GRIK4: variants seen among roughly 807,000 people sequenced by gnomAD.
GRIK4 encodes the protein glutamate ionotropic receptor kainate type subunit 4, also known as glutamate receptor ionotropic, kainate 4.
Under a neutral mutation model 104.9 loss-of-function variants are expected in GRIK4, and 40 were observed. The ratio of observed to expected loss-of-function variants is 0.38; its 90% CI spans 0.30 to 0.50. The LOEUF (loss-of-function observed/expected upper bound fraction) is 0.50. Ranked by LOEUF, GRIK4 falls within the 20% of genes least tolerant of loss-of-function variation. The pLI is 0.93. For missense variants in GRIK4, 1,047 were observed against 1,308.1 expected (o/e 0.80, Z 3.08); for synonymous variants, 485 against 524.9 (o/e 0.92, Z 1.04).
intron 1 of GRIK4, among the ~76,000 whole-genome samples, chr11:120,516,666 G>A (rs1178987252): frequency 6.6e-6 from 1 of 152,156 alleles, no homozygotes. Context: ...TGAGGCGAAA[G>A]GGGGGTAAGC....
At chr11:120,850,898 C>T (rs1953959272) in intron 8 of GRIK4, among the ~76,000 whole-genome samples, 2 of 151,352 alleles carry the variant, frequency 1.3e-5, no homozygotes, top group Admixed American at 6.6e-5. Flanking sequence ...TATTATTAAG[C>T]AATCCAGCTT....
At chr11:120,554,496 A>G (rs1418127487) in intron 1 of GRIK4, among the ~76,000 whole-genome samples, 1 of 152,106 alleles carries the variant, frequency 6.6e-6, no homozygotes, top group Admixed American at 6.5e-5. Context: ...TATGAAGTCA[A>G]GGGGAGAGGT....
intron 13 of GRIK4, among the ~76,000 whole-genome samples, chr11:120,923,404 A>ATTTTTT (rs775194642): frequency 4.9e-5 from 4 of 81,648 alleles, no homozygotes; most frequent in Non-Finnish European, 8.9e-5. Flanking sequence ...CCATTTGCTC[A>ATTTTTT]TTTTTTTTTT....
At chr11:120,890,469 A>G (rs984331668) in intron 11 of GRIK4, among the ~76,000 whole-genome samples, 2 of 152,224 alleles carry the variant, frequency 1.3e-5, no homozygotes, top group Admixed American at 6.5e-5. Context: ...CATGATGATC[A>G]GAGAGGAATT....
chr11:120,693,489 T>C (rs1203335022), intron 3 of GRIK4, among the ~76,000 whole-genome samples: 1 of 152,014 alleles, frequency 6.6e-6, no homozygotes, highest in Non-Finnish European at 1.5e-5. Flanking sequence ...ACTGTTGGAG[T>C]AGTCTGTCCA....
intron 3 of GRIK4, among the ~76,000 whole-genome samples, chr11:120,736,683 AGAATG>A (rs1951226974): frequency 1.3e-5 from 2 of 152,212 alleles, no homozygotes; most frequent in South Asian, 4.1e-4. Flanking sequence ...TCAGTTCAAA[AGAATG>A]GAAATACATA....
intron 1 of GRIK4, among the ~76,000 whole-genome samples, chr11:120,518,089 T>C (rs1414744225): frequency 2.0e-5 from 3 of 152,196 alleles, no homozygotes; most frequent in African/African-American, 7.2e-5. Context: ...GAGGTTGTGT[T>C]CTGGGAGTGA....
chr11:120,617,648 T>TG (rs1949133367), intron 1 of GRIK4, among the ~76,000 whole-genome samples: 1 of 152,188 alleles, frequency 6.6e-6, no homozygotes, highest in African/African-American at 2.4e-5. Context: ...GTGCTGTTCT[T>TG]GTGATAGTCA....
At chr11:120,586,394 G>C (rs1181738976) in intron 1 of GRIK4, among the ~76,000 whole-genome samples, 1 of 152,116 alleles carries the variant, frequency 6.6e-6, no homozygotes, top group Non-Finnish European at 1.5e-5. Flanking sequence ...GATGAGGCTG[G>C]GAGAGAAAGC....
At chr11:120,811,086 C>T (rs889752343) in intron 4 of GRIK4, among the ~76,000 whole-genome samples, 2 of 152,148 alleles carry the variant, frequency 1.3e-5, no homozygotes, top group Non-Finnish European at 2.9e-5. Flanking sequence ...CAGGATCAGG[C>T]AGGAAAATAT....
At chr11:120,817,403 C>G (rs1017128497) in intron 5 of GRIK4, among the ~76,000 whole-genome samples, 1 of 152,234 alleles carries the variant, frequency 6.6e-6, no homozygotes, top group Non-Finnish European at 1.5e-5. Context: ...TATGTTTCTT[C>G]TAGAGCAACT....
chr11:120,662,315 G>C (rs12271692), intron 3 of GRIK4, among the ~76,000 whole-genome samples: 7,243 of 152,268 alleles, frequency 0.048, 524 homozygotes, highest in African/African-American at 0.16. Flanking sequence ...CCAGCCAGGG[G>C]CCCTGCTGGC....
chr11:120,836,435 C>A (rs556533770), intron 7 of GRIK4, among the ~76,000 whole-genome samples: 14 of 152,272 alleles, frequency 9.2e-5, no homozygotes, highest in African/African-American at 3.1e-4. Context: ...CTGTGGAGAT[C>A]ATTATTGTAG....
At position 120,986,851 on chromosome 11, in the gene GRIK4, T is replaced by G. The variant is rs927561630; in HGVS notation, c.*591T>G. The G allele has an allele frequency of 1.3e-5, 2 of 152,214 alleles. No homozygotes were observed. Among genetic ancestry groups the G allele is most frequent in the African/African-American group, 4.8e-5 (2 of 41,426 alleles). The allele number at this position is 152,214 out of a possible 1,614,324, so 9.4% of individuals were successfully genotyped here. A position where few individuals can be genotyped will look rare whatever the true frequency, so the allele number is the denominator to read the frequency against. ...AATGGAAGCCTAAATAATCCCTATT[T>G]CTTCTTTTTCCTGAATTTTGGAATA... On this transcript the variant is annotated 3_prime_UTR_variant, in exon 21 of 21. Coordinates refer to ENST00000527524, the MANE Select transcript of GRIK4 (RefSeq NM_014619.5).
In GRIK4 at chr11:120,689,939, C is replaced by T. The variant is rs191790990; in HGVS notation, c.82+29539C>T. ...TGGTGCTCGATAAATATTTATTGAT[C>T]GAATGAGTAAATGAGTATCGAATGG... On this transcript the variant is annotated intron_variant, in intron 3 of 20. Transcript: ENST00000527524. 1.2e-4 allele frequency among the ~76,000 whole-genome samples: 19 copies of T among 152,236 alleles called. No individual in the cohort carries two copies. In the East Asian group the frequency reaches 2.7e-3, roughly 22 times the overall value.
chr11:120,674,045 C>T (rs1264719033), intron 3 of GRIK4, among the ~76,000 whole-genome samples: 4 of 152,110 alleles, frequency 2.6e-5, no homozygotes, highest in African/African-American at 4.8e-5. Flanking sequence ...CTGTGATGGC[C>T]CCTCTGAGAC....
chr11:120,948,772 C>T (rs540134169), intron 14 of GRIK4, among the ~76,000 whole-genome samples: 1 of 152,310 alleles, frequency 6.6e-6, no homozygotes, highest in South Asian at 2.1e-4. Flanking sequence ...ACCATCTCCC[C>T]ACTCCCCCTT....
intron 1 of GRIK4, among the ~76,000 whole-genome samples, chr11:120,573,234 A>G (rs563031405): frequency 6.6e-6 from 1 of 152,250 alleles, no homozygotes; most frequent in East Asian, 1.9e-4. Context: ...GTGATGCTTG[A>G]TCAATAAAGT....
intron 3 of GRIK4, among the ~76,000 whole-genome samples, chr11:120,748,611 T>G (rs962241870): frequency 1.3e-5 from 2 of 152,156 alleles, no homozygotes; most frequent in African/African-American, 4.8e-5. Context: ...GCCTGTGTTT[T>G]GCTGACTCTG....
Sources: gnomAD v4.1 joint callset for allele counts (sites outside exome capture counted in the v4.1 genomes callset) on GRCh38, gnomAD v4.1.1 for gene constraint, MANE v1.5 for transcripts, NCBI Gene and HGNC (gene_info 2026-07-23, HGNC 2026-07-21) for gene names.